Variants in ARHGAP8 observed in about 807,000 individuals in gnomAD.
The protein encoded by ARHGAP8 is rho GTPase-activating protein 8.
A neutral mutation model predicts 46.1 loss-of-function variants in ARHGAP8; 62 were observed. The ratio of observed to expected loss-of-function variants is 1.34; its 90% CI spans 1.10 to 1.66. The LOEUF (loss-of-function observed/expected upper bound fraction) is 1.66. ARHGAP8 is among the 40% of genes most tolerant of loss of function. The probability of loss-of-function intolerance (pLI) is 0.00; values close to 1 mark genes in which losing one functional copy is unlikely to be tolerated. For synonymous variants in ARHGAP8, 375 were observed against 243.1 expected, an observed-to-expected ratio of 1.54 and a Z score of -5.05; for missense variants, 923 against 568.4, an observed-to-expected ratio of 1.62 and a Z score of -6.34.
chr22:44,793,452 G>T (rs180811455), intron 2 of ARHGAP8, among the ~76,000 whole-genome samples: 45 of 152,288 alleles, frequency 3.0e-4, no homozygotes, highest in Non-Finnish European at 3.2e-4. Flanking sequence ...TCCGTTGCCG[G>T]CTGGGCTTTC....
chr22:44,819,978 G>A (rs960848630), intron 5 of ARHGAP8, among the ~76,000 whole-genome samples: 8 of 152,174 alleles, frequency 5.3e-5, no homozygotes, highest in African/African-American at 1.7e-4. Context: ...AGCCCAGATT[G>A]GGCTCCGCAG....
rs57906111 is a variant in ARHGAP8, at chr22:44,829,118, C to CAAAAAAAAAAAA, written c.596+3540_596+3551dup. Among the ~76,000 whole-genome samples the CAAAAAAAAAAAA allele has an allele frequency of 6.1e-5, 3 of 49,360 alleles. 1 individual carries two copies. The highest frequency in any genetic ancestry group is 1.8e-4 in the African/African-American group (2 of 10,904). 32.4% of individuals were successfully genotyped at this position (49,360 alleles called of 152,430 possible). A position where few individuals can be genotyped will look rare whatever the true frequency, so the allele number is the denominator to read the frequency against. ...TGAAACCCTATCTCTACTAAAAATACAAAAAAAAAAAAAAAAAAAAAAAAA... is the reference window on the plus strand; with the variant it reads ...TGAAACCCTATCTCTACTAAAAATACAAAAAAAAAAAAAAAAAAAAAAAAAAAAAAAAAAAAA... On this transcript the variant is annotated intron_variant, in intron 7 of 11. Coordinates refer to ENST00000356099, the MANE Select transcript of ARHGAP8 (RefSeq NM_181335.3).
chr22:44,777,169 C>G (rs1046346403), intron 1 of ARHGAP8: 2 of 152,202 alleles, frequency 1.3e-5, no homozygotes, highest in African/African-American at 2.4e-5. Context: ...CAGGCATACT[C>G]TACCACCTCC....
rs950297435 is a variant in ARHGAP8, at chr22:44,776,327, C to G, written c.-71-10130C>G. On this transcript the variant is annotated intron_variant, in intron 1 of 11. Coordinates refer to ENST00000356099, the MANE Select transcript of ARHGAP8 (RefSeq NM_181335.3). Reference sequence around the variant, plus strand: ...ATTAGCCGAGCATGGTGGCGGGTACCTGTAATCCCAGCTACTCGGGAGGCC... The same window carrying G: ...ATTAGCCGAGCATGGTGGCGGGTACGTGTAATCCCAGCTACTCGGGAGGCC... 2.0e-5 allele frequency among the ~76,000 whole-genome samples: 3 copies of G among 152,010 alleles called. 1 individual carries two copies. Among genetic ancestry groups the G allele is most frequent in the Admixed American group, 2.0e-4 (3 of 15,256 alleles).
At chr22:44,826,858 G>T (rs1202302806) in intron 7 of ARHGAP8, among the ~76,000 whole-genome samples, 1 of 152,200 alleles carries the variant, frequency 6.6e-6, no homozygotes, top group Non-Finnish European at 1.5e-5. Flanking sequence ...CATTCCTGGG[G>T]TTAGAGGGAA....
At chr22:44,849,298 T>A in intron 10 of ARHGAP8, 2 of 643,398 alleles carry the variant, frequency 3.1e-6, no homozygotes, top group Non-Finnish European at 5.0e-6. Context: ...TCCAGGCCGG[T>A]CTCTCAGGCA....
intron 7 of ARHGAP8, 139 bp from the exon 8 acceptor site, chr22:44,845,130 C>T (rs2069921557): frequency 5.1e-6 from 5 of 979,026 alleles, no homozygotes; most frequent in African/African-American, 1.6e-5. Flanking sequence ...TTCCTGAGGG[C>T]TGAGCCTACC....
intron 6 of ARHGAP8, among the ~76,000 whole-genome samples, chr22:44,822,941 A>T (rs191952191): frequency 1.3e-5 from 2 of 152,304 alleles, no homozygotes; most frequent in Non-Finnish European, 2.9e-5. Flanking sequence ...GGCCCAGATG[A>T]ATAGAGGCTG....
At chr22:44,801,512 C>T (rs574382564) in intron 2 of ARHGAP8, among the ~76,000 whole-genome samples, 8 of 126,976 alleles carry the variant, frequency 6.3e-5, no homozygotes, top group African/African-American at 1.8e-4. Context: ...CACCTCTCCC[C>T]GCAGCTGTCT....
At chr22:44,773,443 C>T (rs569122872) in intron 1 of ARHGAP8, among the ~76,000 whole-genome samples, 11 of 152,298 alleles carry the variant, frequency 7.2e-5, no homozygotes, top group African/African-American at 2.4e-4. Context: ...ACACCTTTCC[C>T]AAAAGACCCT....
chr22:44,829,129 A>C (rs112572588), intron 7 of ARHGAP8, among the ~76,000 whole-genome samples: 1 of 145,666 alleles, frequency 6.9e-6, no homozygotes, highest in African/African-American at 2.6e-5. Flanking sequence ...AAAAAAAAAA[A>C]AAAAAAAAAA....
chr22:44,786,397 T>C, intron 1 of ARHGAP8, 60 bp from the exon 2 acceptor site: 1 of 1,530,292 alleles, frequency 6.5e-7, no homozygotes, highest in Non-Finnish European at 8.8e-7. Context: ...ATCAGGAGGC[T>C]CCCTCATTCC....
At chr22:44,851,609 G>T (rs1232549993) in intron 10 of ARHGAP8, among the ~76,000 whole-genome samples, 2 of 147,370 alleles carry the variant, frequency 1.4e-5, no homozygotes, top group East Asian at 3.9e-4. Flanking sequence ...AAGATCACTT[G>T]AGTCCAAGAG....
At chr22:44,753,166 TG>T (rs1924385278) in intron 1 of ARHGAP8, among the ~76,000 whole-genome samples, 1 of 147,652 alleles carries the variant, frequency 6.8e-6, no homozygotes, top group Admixed American at 6.8e-5. Context: ...ACTCAGGGGG[TG>T]GGGGGCTGGC....
rs541948502 is a variant in ARHGAP8 at position 44,757,778 on chromosome 22, A to G, written c.-72+5151A>G. Among the ~76,000 whole-genome samples the G allele has an allele frequency of 2.0e-4, 30 of 148,422 alleles. No homozygotes were observed. In the South Asian group the frequency reaches 5.3e-3, roughly 26 times the overall value. On this transcript the variant is annotated intron_variant, in intron 1 of 11. Coordinates refer to ENST00000356099, the MANE Select transcript of ARHGAP8 (RefSeq NM_181335.3). Reference sequence around the variant, plus strand: ...CTCAGCCTCCGGAGTAGCTGGGATTACAGGCACCTGTCACCATGCCTGGCT... The same window carrying G: ...CTCAGCCTCCGGAGTAGCTGGGATTGCAGGCACCTGTCACCATGCCTGGCT...
In ARHGAP8 at chr22:44,825,534, C is replaced by G; in HGVS notation, c.537C>G (p.Thr179=). ...SLHEGRTPPP[T]KTPPPRPPLP... is the part of the protein sequence containing the mutation. ...ACGAGGGCCGGACGCCGCCTCCCAC[C>G]AAGACACCACCGCCGCGGCCCCCGC... Residue 179 remains threonine (T), a synonymous_variant, in exon 7 of 12, where the codon ACC becomes ACG. Transcript: ENST00000356099. The G allele has an allele frequency of 6.2e-7, 1 of 1,613,582 alleles. No homozygotes were observed.
intron 1 of ARHGAP8, among the ~76,000 whole-genome samples, chr22:44,756,882 T>G (rs1405866752): frequency 6.6e-6 from 1 of 152,100 alleles, no homozygotes; most frequent in Non-Finnish European, 1.5e-5. Context: ...TTTTCCGCAT[T>G]ACTGCAATAC....
intron 7 of ARHGAP8, among the ~76,000 whole-genome samples, chr22:44,842,637 A>G (rs1452877239): frequency 6.6e-6 from 1 of 152,150 alleles, no homozygotes; most frequent in Admixed American, 6.5e-5. Flanking sequence ...GTGCAAACAT[A>G]GCTGATGCGT....
intron 1 of ARHGAP8, among the ~76,000 whole-genome samples, chr22:44,764,983 C>G (rs1160782762): frequency 6.6e-6 from 1 of 152,204 alleles, no homozygotes; most frequent in Non-Finnish European, 1.5e-5. Flanking sequence ...AACAAATCAT[C>G]CCATCAGTGG....
Sources: allele counts gnomAD v4.1 joint callset (sites outside exome capture counted in the v4.1 genomes callset), GRCh38; gene constraint gnomAD v4.1.1; transcripts MANE v1.5; gene names NCBI Gene and HGNC (gene_info 2026-07-23, HGNC 2026-07-21).